Variants in DLEC1 observed in about 807,000 individuals in gnomAD.
DLEC1 encodes the protein deleted in lung and esophageal cancer protein 1.
Under a neutral mutation model 198.1 loss-of-function variants are expected in DLEC1, and 146 were observed. The ratio of observed to expected loss-of-function variants is 0.74; its 90% CI spans 0.64 to 0.85. The LOEUF (loss-of-function observed/expected upper bound fraction) is 0.85, where lower values mean the gene tolerates loss of function less well. Ranked by LOEUF, DLEC1 falls within the 40% of genes least tolerant of loss-of-function variation. The pLI is 0.00. For synonymous variants in DLEC1, 897 were observed against 866.8 expected, an observed-to-expected ratio of 1.03 and a Z score of -0.61; for missense variants, 2,233 against 2,220.0, an observed-to-expected ratio of 1.01 and a Z score of -0.12.
At chr3:38,073,795 A>G (rs551038702) in intron 6 of DLEC1, among the ~76,000 whole-genome samples, 1 of 152,204 alleles carries the variant, frequency 6.6e-6, no homozygotes, top group African/African-American at 2.4e-5. Flanking sequence ...AAAGAAGGCA[A>G]CATGGAGTGG....
At chr3:38,075,688 A>G (rs1271048259) in intron 6 of DLEC1, among the ~76,000 whole-genome samples, 1 of 152,038 alleles carries the variant, frequency 6.6e-6, no homozygotes, top group East Asian at 1.9e-4. Flanking sequence ...GTGCAGAGAT[A>G]AGAGGTCGGG....
intron 6 of DLEC1, among the ~76,000 whole-genome samples, chr3:38,069,316 T>C (rs1238624843): frequency 2.0e-5 from 3 of 152,214 alleles, no homozygotes; most frequent in Admixed American, 1.3e-4. Flanking sequence ...ACATTCGAGC[T>C]ATTCCCTATT....
At chr3:38,111,619 C>G (rs1025318321) in intron 23 of DLEC1, 58 bp from the exon 24 acceptor site, 2 of 1,577,778 alleles carry the variant, frequency 1.3e-6, no homozygotes, top group Non-Finnish European at 1.7e-6. Context: ...GAACCTGGCT[C>G]AGGTCTTGGG....
chr3:38,070,396 G>A (rs1165591414), intron 6 of DLEC1, among the ~76,000 whole-genome samples: 2 of 152,240 alleles, frequency 1.3e-5, no homozygotes. Context: ...TCAGCTGTGA[G>A]ATAGAAACAG....
intron 3 of DLEC1, among the ~76,000 whole-genome samples, chr3:38,060,904 C>T (rs1441270077): frequency 6.6e-6 from 1 of 152,044 alleles, no homozygotes; most frequent in East Asian, 1.9e-4. Context: ...ATGTTGGTCT[C>T]AAACTCCTGA....
intron 6 of DLEC1, among the ~76,000 whole-genome samples, chr3:38,079,519 C>T (rs905691929): frequency 2.6e-5 from 4 of 152,084 alleles, no homozygotes; most frequent in South Asian, 2.1e-4. Flanking sequence ...GCTTTGGAGG[C>T]GATCGGGCAG....
At chr3:38,076,005 A>G (rs1194295433) in intron 6 of DLEC1, among the ~76,000 whole-genome samples, 1 of 152,212 alleles carries the variant, frequency 6.6e-6, no homozygotes, top group Non-Finnish European at 1.5e-5. Flanking sequence ...CATCCCTGCA[A>G]TGATTAAACA....
intron 1 of DLEC1, among the ~76,000 whole-genome samples, chr3:38,043,984 G>A (rs1030975486): frequency 6.6e-6 from 1 of 152,020 alleles, no homozygotes; most frequent in Non-Finnish European, 1.5e-5. Context: ...AAGAAATGGG[G>A]TTAGCTGGGC....
At chr3:38,054,498 A>AGG (rs111929320) in intron 2 of DLEC1, among the ~76,000 whole-genome samples, 1 of 152,172 alleles carries the variant, frequency 6.6e-6, no homozygotes, top group African/African-American at 2.4e-5. Flanking sequence ...CAGGTTTCCC[A>AGG]GGGGGTGACA....
In DLEC1 at chr3:38,051,055, C is replaced by A. The variant is rs201145099; in HGVS notation, c.562+5362C>A. Among the ~76,000 whole-genome samples the A allele has an allele frequency of 2.6e-5, 4 of 152,188 alleles. No homozygotes were observed. In the East Asian group the frequency reaches 7.8e-4, roughly 30 times the overall value. ...TAGCTGGAACCACAGACGGGCACCA[C>A]CACACCCACTAATTTTTGTATTTTT... On this transcript the variant is annotated intron_variant, in intron 2 of 36. Transcript: ENST00000308059.
intron 1 of DLEC1, among the ~76,000 whole-genome samples, chr3:38,041,859 A>AG (rs1048402305): frequency 1.3e-5 from 2 of 152,014 alleles, no homozygotes; most frequent in African/African-American, 4.8e-5. Flanking sequence ...AAAAAAAAAA[A>AG]AAAAAAAGAA....
intron 35 of DLEC1, 75 bp downstream of exon 35, chr3:38,121,856 C>T: frequency 6.4e-7 from 1 of 1,559,122 alleles, no homozygotes; most frequent in South Asian, 1.2e-5. Flanking sequence ...AGGAAGGGGC[C>T]CCTGTGCGCC....
At chr3:38,113,658 T>C (rs1699999303) in intron 25 of DLEC1, among the ~76,000 whole-genome samples, 1 of 152,100 alleles carries the variant, frequency 6.6e-6, no homozygotes, top group African/African-American at 2.4e-5. Flanking sequence ...GCCACTGCAC[T>C]CCAGCCTGAG....
chr3:38,121,993 C>G (rs557048063), intron 35 of DLEC1, 78 bp from the exon 36 acceptor site: 5 of 1,582,612 alleles, frequency 3.2e-6, no homozygotes, highest in Non-Finnish European at 4.3e-6. Context: ...AGGTACAGGC[C>G]CGGGGGTGGG....
At chr3:38,077,808 C>A (rs1449002236) in intron 6 of DLEC1, among the ~76,000 whole-genome samples, 1 of 151,784 alleles carries the variant, frequency 6.6e-6, no homozygotes, top group African/African-American at 2.4e-5. Flanking sequence ...TGGGTGGGGG[C>A]AAATCTTCAA....
At chr3:38,114,867 G>A (rs1700067558) in intron 26 of DLEC1, 116 bp from the exon 27 acceptor site, 11 of 879,746 alleles carry the variant, frequency 1.3e-5, no homozygotes, top group Non-Finnish European at 1.8e-5. Context: ...ATTCTCGAGT[G>A]AGGCCAGACC....
intron 6 of DLEC1, among the ~76,000 whole-genome samples, chr3:38,066,558 GC>G (rs1226925755): frequency 2.6e-5 from 4 of 152,194 alleles, no homozygotes; most frequent in Non-Finnish European, 5.9e-5. Context: ...AAGAGCAGAG[GC>G]TTTCCTCATT....
intron 27 of DLEC1, 118 bp downstream of exon 27, chr3:38,115,171 A>AG (rs1575232846): frequency 9.1e-7 from 1 of 1,101,112 alleles, no homozygotes; most frequent in Non-Finnish European, 1.3e-6. Context: ...CCAGGTGTCC[A>AG]GGGGGCCTGT....
Position 38,122,589 on chromosome 3 carries a change from C to T in DLEC1, c.*177C>T, listed in dbSNP as rs957982163. ...CTCAGCCTAGGCCCTCATGATATGT[C>T]CTCAGAGCTAACATAAAGGACAGGC... On this transcript the variant is annotated 3_prime_UTR_variant, in exon 37 of 37. Coordinates refer to ENST00000308059, the MANE Select transcript of DLEC1 (RefSeq NM_007335.4). 1.3e-5 allele frequency: 20 copies of T among 1,588,500 alleles called. No individual in the cohort carries two copies. The African/African-American group carries it at 1.9e-4, about 15-fold the overall frequency.
Sources: gnomAD v4.1 joint callset for allele counts (sites outside exome capture counted in the v4.1 genomes callset) on GRCh38, gnomAD v4.1.1 for gene constraint, MANE v1.5 for transcripts, NCBI Gene and HGNC (gene_info 2026-07-23, HGNC 2026-07-21) for gene names.